The following TNR variants were observed in gnomAD, a reference collection of about 807,000 sequenced individuals.
TNR encodes the protein tenascin-R.
In TNR, 45 loss-of-function variants were observed where a neutral mutation model predicts 150.4. That is an observed-to-expected ratio of 0.30 (90% CI 0.24 to 0.38). TNR has a LOEUF of 0.38. Among genes scored for constraint, TNR ranks in the 10% least tolerant of loss-of-function variants. TNR has a pLI of 1.00. For synonymous variants in TNR, 687 were observed against 678.4 expected (o/e 1.01, Z -0.20); for missense variants, 1,544 against 1,759.1 (o/e 0.88, Z 2.19).
chr1:175,486,880 A>C (rs1280825738), intron 2 of TNR, among the ~76,000 whole-genome samples: 1 of 152,224 alleles, frequency 6.6e-6, no homozygotes, highest in Non-Finnish European at 1.5e-5. Flanking sequence ...ACCAGTGATG[A>C]TGAACTTTTT....
intron 18 of TNR, among the ~76,000 whole-genome samples, chr1:175,341,095 T>C (rs930786401): frequency 6.6e-6 from 1 of 152,208 alleles, no homozygotes; most frequent in Non-Finnish European, 1.5e-5. Context: ...CTGGTTCCTG[T>C]TCTGCTGTAT....
chr1:175,419,805 T>C (rs564683478), intron 2 of TNR, among the ~76,000 whole-genome samples: 1 of 151,718 alleles, frequency 6.6e-6, no homozygotes, highest in Admixed American at 6.5e-5. Flanking sequence ...ACTGGAGTTC[T>C]TCTTCCTTCA....
chr1:175,709,591 C>G (rs1366333656), intron 1 of TNR, among the ~76,000 whole-genome samples: 1 of 152,212 alleles, frequency 6.6e-6, no homozygotes, highest in African/African-American at 2.4e-5. Flanking sequence ...TCACCCTATG[C>G]AGACACATTA....
At chr1:175,402,380 C>A (rs1302796325) in intron 4 of TNR, among the ~76,000 whole-genome samples, 3 of 138,884 alleles carry the variant, frequency 2.2e-5, no homozygotes, top group Admixed American at 7.2e-5. Flanking sequence ...TTTTTTCTCA[C>A]TGTTGGGTTT....
At chr1:175,357,100 A>G (rs892620376) in intron 15 of TNR, among the ~76,000 whole-genome samples, 6 of 152,074 alleles carry the variant, frequency 3.9e-5, no homozygotes, top group Non-Finnish European at 5.9e-5. Flanking sequence ...TCTCAATCCA[A>G]TTTTGTTAGT....
intron 7 of TNR, among the ~76,000 whole-genome samples, chr1:175,389,455 C>G (rs527639673): frequency 3.3e-5 from 5 of 152,328 alleles, no homozygotes; most frequent in South Asian, 2.1e-4. Flanking sequence ...AGAAATGCTT[C>G]ACAGAGAGGC....
chr1:175,331,104 TCTC>T (rs1649852324), intron 20 of TNR, among the ~76,000 whole-genome samples: 92 of 104,638 alleles, frequency 8.8e-4, no homozygotes, highest in African/African-American at 1.7e-3. Flanking sequence ...TTTCTTTCTC[TCTC>T]TCTTTCTTTT....
At chr1:175,323,564 T>A (rs1453139250) in intron 22 of TNR, 88 bp from the exon 23 acceptor site, 6 of 1,551,810 alleles carry the variant, frequency 3.9e-6, no homozygotes, top group Non-Finnish European at 4.4e-6. Flanking sequence ...GAACAGGGAA[T>A]CCACAATGTG....
intron 2 of TNR, among the ~76,000 whole-genome samples, chr1:175,494,775 G>A (rs1206942523): frequency 6.6e-6 from 1 of 152,200 alleles, no homozygotes; most frequent in Non-Finnish European, 1.5e-5. Context: ...TAGGAATCCT[G>A]CTGGATTCTG....
chr1:175,458,133 G>C (rs1656646082), intron 2 of TNR, among the ~76,000 whole-genome samples: 1 of 152,254 alleles, frequency 6.6e-6, no homozygotes, highest in African/African-American at 2.4e-5. Flanking sequence ...CTCCATAAAT[G>C]CTAGGTATTG....
intron 1 of TNR, among the ~76,000 whole-genome samples, chr1:175,614,960 T>C (rs563177514): frequency 1.3e-5 from 2 of 152,320 alleles, no homozygotes; most frequent in Admixed American, 1.3e-4. Context: ...ACTCCCTTCC[T>C]CTAGCCCACA....
intron 2 of TNR, among the ~76,000 whole-genome samples, chr1:175,506,314 G>T (rs1658955542): frequency 6.6e-6 from 1 of 152,188 alleles, no homozygotes; most frequent in Non-Finnish European, 1.5e-5. Flanking sequence ...AATTGTTAGT[G>T]GTCATTGAGA....
intron 1 of TNR, among the ~76,000 whole-genome samples, chr1:175,662,692 C>T (rs1017344122): frequency 2.6e-5 from 4 of 152,186 alleles, no homozygotes; most frequent in African/African-American, 9.7e-5. Context: ...CCTCAGGACC[C>T]AAAGAACGTA....
chr1:175,328,188 A>G (rs1219767670), intron 21 of TNR, among the ~76,000 whole-genome samples: 1 of 152,258 alleles, frequency 6.6e-6, no homozygotes, highest in East Asian at 1.9e-4. Context: ...TTTCTTTTTA[A>G]AACTAGACGA....
At chr1:175,337,888 AC>A (rs1248791296) in intron 18 of TNR, among the ~76,000 whole-genome samples, 1 of 152,216 alleles carries the variant, frequency 6.6e-6, no homozygotes, top group African/African-American at 2.4e-5. Flanking sequence ...CAGACAACAT[AC>A]AATTTCATGG....
At position 175,406,381 on chromosome 1, in the gene TNR, C is replaced by G. The variant is rs1490082673; in HGVS notation, c.334G>C (p.Val112Leu). 3 of 1,614,042 alleles carry G rather than the reference C, an allele frequency of 1.9e-6. No homozygotes were observed. In the African/African-American group the frequency reaches 4.0e-5, roughly 22 times the overall value. The stretch of plus-strand genomic sequence containing the variant: ...AAGTTGATCCTGTGTGTAAAGGTGA[C>G]CTGGCTCTCGTGGTCTGAGGTCTGG... The part of the protein sequence containing the change: ...MGQTSDHESQ[V>L]TFTHRINFPK... Residue 112 changes from valine (V) to leucine (L), a missense_variant, in exon 3 of 23, where the codon GTC (valine) becomes CTC (leucine). Around this residue, in one of 2 missense-constraint regions of TNR, gnomAD observed 1,254 missense variants for 1,329.4 expected, o/e 0.94. Transcript: ENST00000367674.
intron 2 of TNR, among the ~76,000 whole-genome samples, chr1:175,470,778 C>A (rs747565269): frequency 2.0e-5 from 3 of 152,238 alleles, no homozygotes; most frequent in Non-Finnish European, 4.4e-5. Flanking sequence ...GGATGCATCT[C>A]CATGCCTTGT....
At chr1:175,571,273 T>C (rs979473457) in intron 1 of TNR, among the ~76,000 whole-genome samples, 5 of 152,336 alleles carry the variant, frequency 3.3e-5, no homozygotes, top group Admixed American at 6.5e-5. Flanking sequence ...TCTCTTTTAG[T>C]GCCTTTTTAA....
rs115744973 is a variant in TNR, at chr1:175,473,990, G to A, written c.-64+54279C>T. On this transcript the variant is annotated intron_variant, in intron 2 of 22. Coordinates refer to ENST00000367674, the MANE Select transcript of TNR (RefSeq NM_003285.3). ...GCCGTTCTGTGGAAGCAAGGCAGAG[G>A]GGTATCATTTTAGGAATCATACACA... Among the ~76,000 whole-genome samples the A allele has an allele frequency of 7.5e-3, 1,140 of 152,146 alleles. 8 individuals are homozygous for A. The highest frequency in any genetic ancestry group is 0.026 in the African/African-American group (1,086 of 41,486).
Sources: gnomAD v4.1 joint callset for allele counts (sites outside exome capture counted in the v4.1 genomes callset) on GRCh38, gnomAD v4.1.1 for gene constraint, gnomAD v4.1.1 regional missense constraint, MANE v1.5 for transcripts, NCBI Gene and HGNC (gene_info 2026-07-23, HGNC 2026-07-21) for gene names.